Variants in BCKDHB observed in about 807,000 individuals in gnomAD.
BCKDHB encodes the protein branched chain keto acid dehydrogenase E1 subunit beta, also known as 2-oxoisovalerate dehydrogenase subunit beta, mitochondrial.
In BCKDHB, 41 loss-of-function variants were observed where a neutral mutation model predicts 48.5. That is an observed-to-expected ratio of 0.85 (90% confidence interval 0.66 to 1.10). The LOEUF (loss-of-function observed/expected upper bound fraction) is 1.10, where lower values mean the gene tolerates loss of function less well. BCKDHB is among the 50% of genes least tolerant of loss of function. BCKDHB has a pLI of 0.00. For missense variants in BCKDHB, 496 were observed against 494.2 expected, an observed-to-expected ratio of 1.00 and a Z score of -0.03; for synonymous variants, 201 against 174.8, an observed-to-expected ratio of 1.15 and a Z score of -1.18.
chr6:80,350,434 A>C (rs886583403), downstream of BCKDHB, among the ~76,000 whole-genome samples: 1 of 151,998 alleles, frequency 6.6e-6, no homozygotes, highest in East Asian at 1.9e-4. Context: ...TATCCTGTGA[A>C]GGTTAAGCTA....
the BCKDHB span, among the ~76,000 whole-genome samples, chr6:80,377,921 C>T: frequency 6.6e-6 from 1 of 152,146 alleles, no homozygotes; most frequent in African/African-American, 2.4e-5. Flanking sequence ...AAAGTACTCC[C>T]ATCATTACAA....
At chr6:80,155,717 A>C (rs1470162464) in intron 3 of BCKDHB, among the ~76,000 whole-genome samples, 1 of 152,092 alleles carries the variant, frequency 6.6e-6, no homozygotes, top group Non-Finnish European at 1.5e-5. Flanking sequence ...TTACTGGTAA[A>C]TATAACATTG....
intron 8 of BCKDHB, among the ~76,000 whole-genome samples, chr6:80,239,085 G>A (rs1776270049): frequency 6.6e-6 from 1 of 152,134 alleles, no homozygotes; most frequent in South Asian, 2.1e-4. Flanking sequence ...CTTTATAGTA[G>A]AATGATTTAT....
intron 9 of BCKDHB, among the ~76,000 whole-genome samples, chr6:80,343,202 G>A (rs1770010785): frequency 6.6e-6 from 1 of 152,212 alleles, no homozygotes; most frequent in Non-Finnish European, 1.5e-5. Flanking sequence ...TTAAGTAACT[G>A]ATAGAAGTTC....
rs191658984 is a variant in BCKDHB at position 80,261,245 on chromosome 6, C to T, written c.952-11890C>T. Among the ~76,000 whole-genome samples, 11 of 152,068 alleles carry T rather than the reference C, an allele frequency of 7.2e-5. No individual in the cohort carries two copies. In the East Asian group the frequency reaches 7.8e-4, roughly 11 times the overall value. On this transcript the variant is annotated intron_variant, in intron 8 of 9. Transcript: ENST00000320393. ...TTTATTCTTGGCTTCTTTTCCAATT[C>T]GGGCAATAGCAGGCCTCAAGTGGAC... is the stretch of plus-strand genomic sequence containing the variant.
In BCKDHB at chr6:80,125,159, G is replaced by A. The variant is rs185263096; in HGVS notation, c.197-2388G>A. Among the ~76,000 whole-genome samples, 285 of 152,232 alleles carry A rather than the reference G, an allele frequency of 1.9e-3. 2 individuals carry two copies. The highest frequency in any genetic ancestry group is 6.8e-3 in the African/African-American group (281 of 41,542). On this transcript the variant is annotated intron_variant, in intron 1 of 9. Transcript: ENST00000320393. ...TGCAGCTTCTCCATCAGCACTTTAT[G>A]CTTCACTTTGCCGTTTTATGTACTG...
At chr6:80,259,803 C>A (rs1345848367) in intron 8 of BCKDHB, among the ~76,000 whole-genome samples, 2 of 151,938 alleles carry the variant, frequency 1.3e-5, no homozygotes. Context: ...AGCCAAAAAC[C>A]CAATTCTGAA....
intron 9 of BCKDHB, among the ~76,000 whole-genome samples, chr6:80,288,045 A>G (rs1209389082): frequency 6.6e-6 from 1 of 152,170 alleles, no homozygotes; most frequent in Non-Finnish European, 1.5e-5. Flanking sequence ...AAATTAAATA[A>G]TCCTCAGTAG....
intron 8 of BCKDHB, among the ~76,000 whole-genome samples, chr6:80,234,556 C>T (rs147830870): frequency 2.3e-3 from 352 of 152,064 alleles, no homozygotes; most frequent in Non-Finnish European, 4.3e-3. Context: ...GAGAAGAATG[C>T]GGAGAAAGAG....
intron 3 of BCKDHB, among the ~76,000 whole-genome samples, chr6:80,160,079 A>G (rs886758819): frequency 2.0e-5 from 3 of 152,282 alleles, no homozygotes; most frequent in Non-Finnish European, 4.4e-5. Flanking sequence ...AAGCTTCTGA[A>G]AAATGTCTAG....
At chr6:80,117,700 C>T (rs900589969) in intron 1 of BCKDHB, among the ~76,000 whole-genome samples, 14 of 152,374 alleles carry the variant, frequency 9.2e-5, no homozygotes, top group African/African-American at 3.4e-4. Context: ...GGACATGCTC[C>T]TGCTGCAGAT....
chr6:80,175,677 T>G (rs1340411811), intron 6 of BCKDHB, among the ~76,000 whole-genome samples: 2 of 152,194 alleles, frequency 1.3e-5, no homozygotes, highest in African/African-American at 4.8e-5. Flanking sequence ...TAAGCTAAGC[T>G]CCATCCATCT....
chr6:80,455,160 T>G, the BCKDHB span, among the ~76,000 whole-genome samples: 1 of 152,144 alleles, frequency 6.6e-6, no homozygotes, highest in African/African-American at 2.4e-5. Flanking sequence ...GACATATGTG[T>G]GGGAAGTGAG....
At chr6:80,287,965 C>T (rs1342284736) in intron 9 of BCKDHB, among the ~76,000 whole-genome samples, 1 of 152,106 alleles carries the variant, frequency 6.6e-6, no homozygotes, top group Non-Finnish European at 1.5e-5. Context: ...TTGTTCACTT[C>T]TATAATTTAT....
chr6:80,204,396 T>A (rs73479991), intron 8 of BCKDHB, among the ~76,000 whole-genome samples: 1,831 of 152,236 alleles, frequency 0.012, 41 homozygotes, highest in African/African-American at 0.041. Context: ...ATTGAGTTAT[T>A]CATAGCTTCA....
chr6:80,377,081 C>T, the BCKDHB span, among the ~76,000 whole-genome samples: 15 of 149,140 alleles, frequency 1.0e-4, no homozygotes, highest in African/African-American at 3.5e-4. Context: ...CTCTGTCATG[C>T]CCAGGCTAGA....
intron 6 of BCKDHB, among the ~76,000 whole-genome samples, chr6:80,191,237 A>C (rs1279895005): frequency 6.6e-6 from 1 of 152,194 alleles, no homozygotes; most frequent in Non-Finnish European, 1.5e-5. Context: ...TGCAATAAGG[A>C]ATTTTGCAGT....
chr6:80,158,707 G>A (rs760361971), intron 3 of BCKDHB, among the ~76,000 whole-genome samples: 3 of 152,182 alleles, frequency 2.0e-5, no homozygotes, highest in Non-Finnish European at 4.4e-5. Flanking sequence ...TGATCAATCA[G>A]TGGATGGGAG....
At chr6:80,392,318 G>T in the BCKDHB span, among the ~76,000 whole-genome samples, 1 of 152,116 alleles carries the variant, frequency 6.6e-6, no homozygotes, top group South Asian at 2.1e-4. Flanking sequence ...AACATACAGA[G>T]ATTGTTTTCT....
Sources: gnomAD v4.1 joint callset for allele counts (sites outside exome capture counted in the v4.1 genomes callset) on GRCh38, gnomAD v4.1.1 for gene constraint, MANE v1.5 for transcripts, NCBI Gene and HGNC (gene_info 2026-07-23, HGNC 2026-07-21) for gene names.